RFXAP: variants seen among roughly 807,000 people sequenced by gnomAD.
RFXAP encodes regulatory factor X-associated protein.
Under a neutral mutation model 25.7 loss-of-function variants are expected in RFXAP, and 21 were observed. That is an observed-to-expected ratio of 0.82 (90% confidence interval 0.58 to 1.18). RFXAP has a LOEUF of 1.18. Among genes scored for constraint, RFXAP ranks in the 50% most tolerant of loss-of-function variants. RFXAP has a pLI of 0.00. For missense variants in RFXAP, 333 were observed against 363.0 expected, an observed-to-expected ratio of 0.92 and a Z score of 0.67; for synonymous variants, 161 against 152.2, an observed-to-expected ratio of 1.06 and a Z score of -0.43.
rs2057983584 is a variant in RFXAP at position 36,827,928 on chromosome 13, T to G, written c.*175T>G. The G allele has an allele frequency of 6.8e-6, 4 of 586,730 alleles. No individual in the cohort carries two copies. In the East Asian group the frequency reaches 1.2e-4, roughly 17 times the overall value. 36.3% of individuals were successfully genotyped at this position (586,730 alleles called of 1,614,324 possible). On this transcript the variant is annotated 3_prime_UTR_variant, in exon 3 of 3. Transcript: ENST00000255476. ...GTATTGCACTTTGTGCATCTAATCTTTCAGATTACTGTGAGTTTGAAGAAG... is the reference window on the plus strand; with the variant it reads ...GTATTGCACTTTGTGCATCTAATCTGTCAGATTACTGTGAGTTTGAAGAAG...
intron 1 of RFXAP, among the ~76,000 whole-genome samples, chr13:36,822,911 G>A (rs935914248): frequency 2.0e-5 from 3 of 152,146 alleles, no homozygotes; most frequent in South Asian, 2.1e-4. Context: ...TGTATAGTCC[G>A]GTTTTAGTAG....
At chr13:36,825,558 G>A (rs766235606) in intron 2 of RFXAP, 23 bp downstream of exon 2, 3 of 1,518,542 alleles carry the variant, frequency 2.0e-6, no homozygotes, top group East Asian at 4.5e-5. Flanking sequence ...TTGTAAATCA[G>A]TTATAAATGT....
rs752224995 is a variant in RFXAP at position 36,819,712 on chromosome 13, G to T, written c.355G>T (p.Gly119Trp). 2 of 1,550,518 alleles carry T rather than the reference G, an allele frequency of 1.3e-6. No individual in the cohort carries two copies. The highest frequency in any genetic ancestry group is 1.7e-6 in the Non-Finnish European group (2 of 1,146,864). ...TCTAGAGGACGAGGAGACTCACTCG[G>T]GGGGCGAGGGCAGCAGCGGGGGCGC... ...EDLEDEETHS[G>W]GEGSSGGARR... Residue 119 changes from glycine (G) to tryptophan (W), a missense_variant, in exon 1 of 3, where the codon GGG becomes TGG. By Grantham distance (184) the Gly-to-Trp change is radical. Transcript: ENST00000255476.
intron 2 of RFXAP, among the ~76,000 whole-genome samples, chr13:36,827,345 C>A (rs1387976957): frequency 6.6e-6 from 1 of 152,080 alleles, no homozygotes; most frequent in Non-Finnish European, 1.5e-5. Context: ...TTTGTTCTTA[C>A]ATATTTCAAG....
chr13:36,824,575 A>C (rs2057972254), intron 1 of RFXAP, among the ~76,000 whole-genome samples: 1 of 152,166 alleles, frequency 6.6e-6, no homozygotes, highest in Non-Finnish European at 1.5e-5. Context: ...ATAATTTTAT[A>C]TTTGCTACTT....
chr13:36,822,006 G>A (rs180972731), intron 1 of RFXAP, among the ~76,000 whole-genome samples: 130 of 152,290 alleles, frequency 8.5e-4, no homozygotes, highest in Non-Finnish European at 1.5e-3. Flanking sequence ...TAGTAAAGGT[G>A]ATCAAGTTTC....
chr13:36,819,749 G>A lies in RFXAP; in HGVS notation c.392G>A (p.Gly131Asp). 2 of 1,554,058 alleles carry A rather than the reference G, an allele frequency of 1.3e-6. No homozygotes were observed. The highest frequency in any genetic ancestry group is 1.7e-6 in the Non-Finnish European group (2 of 1,148,404). The change falls in exon 1 of 3, where the codon GGC becomes GAC. Residue 131 changes from glycine to aspartate, a missense_variant. Transcript: ENST00000255476. Reference protein sequence around the residue: ...EGSSGGARRRGSGGGSMSKTC... With the variant: ...EGSSGGARRRDSGGGSMSKTC... ...AGCAGCGGGGGCGCCCGGAGGCGGGGCAGCGGTGGGGGCAGCATGAGCAAG... is the reference window on the plus strand; with the variant it reads ...AGCAGCGGGGGCGCCCGGAGGCGGGACAGCGGTGGGGGCAGCATGAGCAAG...
In RFXAP at chr13:36,825,428, G is replaced by A; in HGVS notation, c.601G>A (p.Glu201Lys). ...TGSAGNVKLE[E>K]SADNILSIVK... Reference sequence around the variant, plus strand: ...TTTGCATTTTTATCATTTATCCCAGGAAAGTGCAGATAACATACTCTCCAT... The same window carrying A: ...TTTGCATTTTTATCATTTATCCCAGAAAAGTGCAGATAACATACTCTCCAT... Residue 201 changes from glutamate to lysine, a missense_variant and splice_region_variant, in exon 2 of 3, where the codon GAA becomes AAA. Glu to Lys is a moderately conservative substitution (Grantham distance 56). Coordinates refer to ENST00000255476, the MANE Select transcript of RFXAP (RefSeq NM_000538.4). The A allele has an allele frequency of 6.2e-7, 1 of 1,606,906 alleles. No homozygotes were observed. The highest frequency in any genetic ancestry group is 1.7e-5 in the Admixed American group (1 of 59,986).
Position 36,828,517 on chromosome 13 carries a change from A to G in RFXAP, c.*764A>G, listed in dbSNP as rs2057985601. On this transcript the variant is annotated 3_prime_UTR_variant, in exon 3 of 3. Coordinates refer to ENST00000255476, the MANE Select transcript of RFXAP (RefSeq NM_000538.4). ...ACAGTTGGCTTCTCTCTTTGATGTT[A>G]CCTGTTAGTGCTGATCTCTTAAAGC... The G allele has an allele frequency of 6.6e-6, 1 of 152,240 alleles. No individual in the cohort carries two copies. The highest frequency in any genetic ancestry group is 1.5e-5 in the Non-Finnish European group (1 of 68,084). 9.4% of individuals were successfully genotyped at this position (152,240 alleles called of 1,614,324 possible).
At position 36,827,810 on chromosome 13, in the gene RFXAP, A is replaced by AT. The variant is rs2057983244; in HGVS notation, c.*64dup. The AT allele has an allele frequency of 8.1e-6, 11 of 1,353,038 alleles. No homozygotes were observed. The highest frequency in any genetic ancestry group is 7.0e-5 in the East Asian group (3 of 42,912). 83.8% of individuals were successfully genotyped at this position (1,353,038 alleles called of 1,614,324 possible). On this transcript the variant is annotated 3_prime_UTR_variant, in exon 3 of 3. Coordinates refer to ENST00000255476, the MANE Select transcript of RFXAP (RefSeq NM_000538.4). ...TTATCTTATTGTAATAGATGAGCAT[A>AT]TTTTTTTACCAGACATAAATGGGGT...
In RFXAP at chr13:36,827,787, A is replaced by G; in HGVS notation, c.*34A>G. 7.4e-7 allele frequency: 1 copy of G among 1,348,318 alleles called. No homozygotes were observed. The highest frequency in any genetic ancestry group is 1.1e-6 in the Non-Finnish European group (1 of 942,942). The allele number at this position is 1,348,318 out of a possible 1,614,324, so 83.5% of individuals were successfully genotyped here. Reference sequence around the variant, plus strand: ...ACCAAGAACATCTACATGGTTTTTTATCTTATTGTAATAGATGAGCATATT... The same window carrying G: ...ACCAAGAACATCTACATGGTTTTTTGTCTTATTGTAATAGATGAGCATATT... On this transcript the variant is annotated 3_prime_UTR_variant, in exon 3 of 3. Coordinates refer to ENST00000255476, the MANE Select transcript of RFXAP (RefSeq NM_000538.4).
chr13:36,825,026 G>A (rs1211392027), intron 1 of RFXAP, among the ~76,000 whole-genome samples: 1 of 151,924 alleles, frequency 6.6e-6, no homozygotes, highest in South Asian at 2.1e-4. Flanking sequence ...ATTATGTTTC[G>A]GCCTGGATAG....
In RFXAP at chr13:36,828,959, C is replaced by T. The variant is rs562383092; in HGVS notation, c.*1206C>T. The T allele has an allele frequency of 2.0e-5, 3 of 152,438 alleles. No individual in the cohort carries two copies. The highest frequency in any genetic ancestry group is 3.9e-4 in the East Asian group (2 of 5,172). The allele number at this position is 152,438 out of a possible 1,614,324, so 9.4% of individuals were successfully genotyped here. A position where few individuals can be genotyped will look rare whatever the true frequency, so the allele number is the denominator to read the frequency against. Reference sequence around the variant, plus strand: ...TTTTTTAAACTCTATATATAAAGTTCGACTTAATCATGGCTGTTCTAAGAA... The same window carrying T: ...TTTTTTAAACTCTATATATAAAGTTTGACTTAATCATGGCTGTTCTAAGAA... On this transcript the variant is annotated 3_prime_UTR_variant, in exon 3 of 3. Transcript: ENST00000255476.
At chr13:36,822,682 C>T (rs1051717723) in intron 1 of RFXAP, among the ~76,000 whole-genome samples, 5 of 152,152 alleles carry the variant, frequency 3.3e-5, no homozygotes, top group Admixed American at 1.3e-4. Flanking sequence ...CACCACTGCA[C>T]CTAGCTTCAC....
rs114494490 is a variant in RFXAP, at chr13:36,824,915, C to T, written c.601-513C>T. On this transcript the variant is annotated intron_variant, in intron 1 of 2. Coordinates refer to ENST00000255476, the MANE Select transcript of RFXAP (RefSeq NM_000538.4). ...TTTAAACAATATTTTACTACTCCCCCATTTGTTTTGGTTGCCAACTGGGTA... is the reference window on the plus strand; with the variant it reads ...TTTAAACAATATTTTACTACTCCCCTATTTGTTTTGGTTGCCAACTGGGTA... Among the ~76,000 whole-genome samples the T allele has an allele frequency of 4.9e-3, 741 of 152,190 alleles. 7 individuals carry two copies. The highest frequency in any genetic ancestry group is 0.017 in the African/African-American group (687 of 41,514).
chr13:36,826,953 T>C (rs1476056152), intron 2 of RFXAP, among the ~76,000 whole-genome samples: 1 of 152,172 alleles, frequency 6.6e-6, no homozygotes, highest in Non-Finnish European at 1.5e-5. Flanking sequence ...CTCACGCCAC[T>C]GCACTCCAGC....
chr13:36,826,721 T>G (rs1013425143), intron 2 of RFXAP, among the ~76,000 whole-genome samples: 2 of 152,218 alleles, frequency 1.3e-5, no homozygotes. Flanking sequence ...TAAAACTGTT[T>G]AATAAATAGA....
Position 36,819,460 on chromosome 13 carries a change from G to A in RFXAP, c.103G>A (p.Ala35Thr). The change falls in exon 1 of 3, where the codon GCC becomes ACC. Residue 35 changes from alanine to threonine, a missense_variant. Transcript: ENST00000255476. ...APAAAPTLAPASVAAAASQFT... is the reference protein window; with the variant it reads ...APAAAPTLAPTSVAAAASQFT... ...GGCTGCGGCTCCCACCTTGGCGCCA[G>A]CCTCGGTGGCGGCCGCGGCCTCTCA... The A allele has an allele frequency of 6.6e-7, 1 of 1,512,150 alleles. No individual in the cohort carries two copies. The highest frequency in any genetic ancestry group is 1.3e-5 in the South Asian group (1 of 78,558). 93.7% of individuals were successfully genotyped at this position (1,512,150 alleles called of 1,614,324 possible).
chr13:36,820,055 TG>T lies in RFXAP; in HGVS notation c.600+101del, dbSNP rs1593530284. 6 of 1,536,358 alleles carry T rather than the reference TG, an allele frequency of 3.9e-6. No individual in the cohort carries two copies. In the East Asian group the frequency reaches 1.4e-4, roughly 37 times the overall value. ...CAGGGCCTGCCTCCCCACTTCCAAA[TG>T]GGCCGGTTTGCAGTGACTGGGTTAG... On this transcript the variant is annotated intron_variant, in intron 1 of 2. Coordinates refer to ENST00000255476, the MANE Select transcript of RFXAP (RefSeq NM_000538.4).
Sources: allele counts gnomAD v4.1 joint callset (sites outside exome capture counted in the v4.1 genomes callset), GRCh38; gene constraint gnomAD v4.1.1; transcripts MANE v1.5; gene names NCBI Gene and HGNC (gene_info 2026-07-23, HGNC 2026-07-21).